Variants in DDX10 observed in about 807,000 individuals in gnomAD.
DDX10 encodes DEAD-box helicase 10.
A neutral mutation model predicts 104.3 loss-of-function variants in DDX10; 74 were observed. The observed-to-expected ratio is 0.71, with a 90% CI of 0.59 to 0.86. The LOEUF is 0.86. DDX10 is among the 40% of genes least tolerant of loss of function. The pLI is 0.00. For synonymous variants in DDX10, 351 were observed against 353.4 expected (o/e 0.99, Z 0.08); for missense variants, 952 against 1,040.0 (o/e 0.92, Z 1.16).
intron 13 of DDX10, among the ~76,000 whole-genome samples, chr11:108,780,401 T>TTTAAGAGG (rs1353587072): frequency 3.3e-4 from 51 of 152,288 alleles, no homozygotes; most frequent in African/African-American, 1.1e-3. Flanking sequence ...TTGAGATGAC[T>TTTAAGAGG]TTAAGAGGGG....
chr11:108,755,302 T>C (rs909812093), intron 13 of DDX10, among the ~76,000 whole-genome samples: 3 of 152,082 alleles, frequency 2.0e-5, no homozygotes, highest in African/African-American at 7.2e-5. Context: ...AGTTACTTTT[T>C]ATAGCTGCAT....
At chr11:108,927,782 C>T (rs535715064) in intron 17 of DDX10, among the ~76,000 whole-genome samples, 232 of 152,184 alleles carry the variant, frequency 1.5e-3, no homozygotes, top group African/African-American at 5.2e-3. Context: ...GGACTACAGG[C>T]GTGCGCCACC....
At chr11:108,866,675 C>T (rs1346675627) in intron 16 of DDX10, among the ~76,000 whole-genome samples, 1 of 152,092 alleles carries the variant, frequency 6.6e-6, no homozygotes, top group Admixed American at 6.5e-5. Context: ...TAATAGCTGC[C>T]AGTATTGAAC....
chr11:108,795,277 ATTT>A (rs559914594), intron 13 of DDX10, among the ~76,000 whole-genome samples: 3 of 131,224 alleles, frequency 2.3e-5, no homozygotes, highest in Admixed American at 7.6e-5. Context: ...GGGCCTGGAA[ATTT>A]TTTTTTTTTT....
chr11:108,665,148 G>A lies in DDX10; in HGVS notation c.-6G>A. ...GTTGATCCGAGCTGTCGCCGCCGCC[G>A]CCGCAATGGGCAAAACGGCCAACTC... On this transcript the variant is annotated 5_prime_UTR_variant, in exon 1 of 18. Transcript: ENST00000322536. 1 of 1,602,214 alleles carries A rather than the reference G, an allele frequency of 6.2e-7. No individual in the cohort carries two copies. The highest frequency in any genetic ancestry group is 1.1e-5 in the South Asian group (1 of 89,540).
chr11:108,669,293 T>TA lies in DDX10; in HGVS notation c.186+3955dup, dbSNP rs535440559. ...GGTAATTTTTGTAGAGATGGAGTCT[T>TA]ACTGTATTTCCCAGGCTGGTCTTGA... On this transcript the variant is annotated intron_variant, in intron 1 of 17. Transcript: ENST00000322536. Among the ~76,000 whole-genome samples, 54 of 152,162 alleles carry TA rather than the reference T, an allele frequency of 3.5e-4. 1 individual carries two copies. In the South Asian group the frequency reaches 0.011, roughly 31 times the overall value.
intron 13 of DDX10, among the ~76,000 whole-genome samples, chr11:108,725,996 A>G (rs1416214260): frequency 2.6e-5 from 4 of 151,912 alleles, no homozygotes; most frequent in Non-Finnish European, 4.4e-5. Context: ...TTTTTTGCAT[A>G]TGGGTATCCA....
chr11:108,754,023 T>C (rs1007235184), intron 13 of DDX10, among the ~76,000 whole-genome samples: 3 of 152,054 alleles, frequency 2.0e-5, no homozygotes, highest in African/African-American at 7.2e-5. Context: ...ATTTATCTTT[T>C]GCATTTAGTG....
intron 16 of DDX10, among the ~76,000 whole-genome samples, chr11:108,871,241 A>G (rs1366682417): frequency 6.6e-6 from 1 of 152,162 alleles, no homozygotes; most frequent in African/African-American, 2.4e-5. Context: ...CATGACACTT[A>G]GGTGAGTGAA....
intron 15 of DDX10, among the ~76,000 whole-genome samples, chr11:108,850,445 C>T (rs1350272660): frequency 6.6e-6 from 1 of 152,096 alleles, no homozygotes; most frequent in African/African-American, 2.4e-5. Context: ...CGAAGTTATT[C>T]TTTGCAACTT....
chr11:108,803,451 G>A (rs528464559), intron 13 of DDX10, among the ~76,000 whole-genome samples: 10 of 151,792 alleles, frequency 6.6e-5, no homozygotes, highest in East Asian at 3.9e-4. Flanking sequence ...AAAATTAGCC[G>A]AGCGTGATGG....
intron 17 of DDX10, among the ~76,000 whole-genome samples, chr11:108,934,714 C>T (rs764063780): frequency 1.1e-4 from 17 of 152,140 alleles, no homozygotes; most frequent in East Asian, 3.8e-4. Context: ...ATTGACAGGG[C>T]GTTAACTCAG....
At chr11:108,765,907 G>A (rs2094355847) in intron 13 of DDX10, among the ~76,000 whole-genome samples, 1 of 152,288 alleles carries the variant, frequency 6.6e-6, no homozygotes, top group East Asian at 1.9e-4. Context: ...CACATTTTAA[G>A]GAAATTTAAG....
intron 16 of DDX10, among the ~76,000 whole-genome samples, chr11:108,897,362 GA>G (rs1451841391): frequency 2.6e-5 from 4 of 152,184 alleles, no homozygotes; most frequent in Non-Finnish European, 5.9e-5. Flanking sequence ...AGGAGACAGT[GA>G]GATAGGAAAT....
At chr11:108,803,321 C>T (rs375052725) in intron 13 of DDX10, among the ~76,000 whole-genome samples, 1 of 151,118 alleles carries the variant, frequency 6.6e-6, no homozygotes, top group African/African-American at 2.4e-5. Flanking sequence ...AGGCCAGCCA[C>T]GGCGGCTCAC....
Position 108,841,298 on chromosome 11 carries a change from CT to C in DDX10, c.2086-9del, listed in dbSNP as rs200845035. ...TTCCCTACTTCCTGTTGACACTGAC[CT>C]TTTTTTTACCTGTAGTTGGTTCAGC... On this transcript the variant is annotated splice_polypyrimidine_tract_variant and intron_variant, in intron 14 of 17. Coordinates refer to ENST00000322536, the MANE Select transcript of DDX10 (RefSeq NM_004398.4). 44 of 1,602,244 alleles carry C rather than the reference CT, an allele frequency of 2.7e-5. No individual in the cohort carries two copies. The highest frequency in any genetic ancestry group is 1.3e-4 in the East Asian group (6 of 44,694).
At chr11:108,855,589 AGCT>A (rs1204664531) in intron 16 of DDX10, among the ~76,000 whole-genome samples, 3 of 152,116 alleles carry the variant, frequency 2.0e-5, no homozygotes, top group Non-Finnish European at 4.4e-5. Context: ...CCTCCCGAGT[AGCT>A]GGGACTACAC....
rs150936069 is a variant in DDX10, at chr11:108,876,189, T to C, written c.2304+23980T>C. On this transcript the variant is annotated intron_variant, in intron 16 of 17. Coordinates refer to ENST00000322536, the MANE Select transcript of DDX10 (RefSeq NM_004398.4). ...CTAATAACTATTTGTGTATTTCTGA[T>C]TTGGTGTTGATTTTTGTGATTTGAC... Among the ~76,000 whole-genome samples, 54 of 152,282 alleles carry C rather than the reference T, an allele frequency of 3.5e-4. 1 individual carries two copies. In the East Asian group the frequency reaches 9.5e-3, roughly 27 times the overall value.
Position 108,841,470 on chromosome 11 carries a change from G to C in DDX10, c.2241G>C (p.Lys747Asn). 1.2e-6 allele frequency: 2 copies of C among 1,613,506 alleles called. No individual in the cohort carries two copies. The highest frequency in any genetic ancestry group is 1.7e-6 in the Non-Finnish European group (2 of 1,179,688). Reference protein sequence around the residue: ...KEEYRKKIKAKHREKRLKERE... With the variant: ...KEEYRKKIKANHREKRLKERE... ...AATATAGGAAAAAAATTAAGGCAAAGCATCGGGTAAGCTTTCCATCTTGAA... is the reference window on the plus strand; with the variant it reads ...AATATAGGAAAAAAATTAAGGCAAACCATCGGGTAAGCTTTCCATCTTGAA... The change falls in exon 15 of 18, where the codon AAG becomes AAC. Residue 747 changes from lysine (K) to asparagine (N), a missense_variant. Coordinates refer to ENST00000322536, the MANE Select transcript of DDX10 (RefSeq NM_004398.4).
Sources: allele counts gnomAD v4.1 joint callset (sites outside exome capture counted in the v4.1 genomes callset), GRCh38; gene constraint gnomAD v4.1.1; transcripts MANE v1.5; gene names NCBI Gene and HGNC (gene_info 2026-07-23, HGNC 2026-07-21).